CNTN1: variants seen among roughly 807,000 people sequenced by gnomAD.
The protein encoded by CNTN1 is contactin 1.
In CNTN1, 38 loss-of-function variants were observed where a neutral mutation model predicts 126.4. The ratio of observed to expected loss-of-function variants is 0.30; its 90% CI spans 0.23 to 0.39. CNTN1 has a LOEUF of 0.39. Among genes scored for constraint, CNTN1 ranks in the 10% least tolerant of loss-of-function variants. CNTN1 has a pLI of 1.00. For missense variants in CNTN1, 1,009 were observed against 1,248.4 expected, an observed-to-expected ratio of 0.81 and a Z score of 2.89; for synonymous variants, 413 against 422.6, an observed-to-expected ratio of 0.98 and a Z score of 0.28.
At chr12:40,764,526 T>A in intron 1 of CNTN1, among the ~76,000 whole-genome samples, 1 of 152,228 alleles carries the variant, frequency 6.6e-6, no homozygotes, top group East Asian at 1.9e-4. Flanking sequence ...TCTTTTTTGA[T>A]GACTACATTT....
At chr12:40,760,367 T>C (rs1358053211) in intron 1 of CNTN1, among the ~76,000 whole-genome samples, 2 of 152,162 alleles carry the variant, frequency 1.3e-5, no homozygotes, top group East Asian at 3.8e-4. Context: ...CACAAATTTA[T>C]ATCACAAAAT....
chr12:40,775,480 T>TA (rs1460881788), intron 1 of CNTN1, among the ~76,000 whole-genome samples: 1 of 151,536 alleles, frequency 6.6e-6, no homozygotes, highest in African/African-American at 2.4e-5. Context: ...AAATGTCTCT[T>TA]TGATTACAGA....
At chr12:40,817,475 C>CTTTTTTTTT (rs758574869) in intron 1 of CNTN1, among the ~76,000 whole-genome samples, 2 of 40,714 alleles carry the variant, frequency 4.9e-5, no homozygotes, top group East Asian at 7.3e-4. Context: ...GCAACCCCTG[C>CTTTTTTTTT]TTTTTTTTTT....
In CNTN1 at chr12:40,879,665, G is replaced by A. The variant is rs182702127; in HGVS notation, c.-76-28692G>A. Among the ~76,000 whole-genome samples, 4 of 152,150 alleles carry A rather than the reference G, an allele frequency of 2.6e-5. No individual in the cohort carries two copies. The East Asian group carries it at 5.8e-4, about 22-fold the overall frequency. Reference sequence around the variant, plus strand: ...AGGGAGATTACAGAAACTAACTGAAGGCTGAAATAAAAATATGCATAGATT... The same window carrying A: ...AGGGAGATTACAGAAACTAACTGAAAGCTGAAATAAAAATATGCATAGATT... On this transcript the variant is annotated intron_variant, in intron 1 of 23. Coordinates refer to ENST00000551295, the MANE Select transcript of CNTN1 (RefSeq NM_001843.4).
At chr12:40,734,432 G>T (rs1942570281) in intron 1 of CNTN1, among the ~76,000 whole-genome samples, 1 of 152,066 alleles carries the variant, frequency 6.6e-6, no homozygotes, top group African/African-American at 2.4e-5. Context: ...AAAAGTTACT[G>T]AGCAAGACCC....
chr12:40,734,337 T>C (rs1188352211), intron 1 of CNTN1, among the ~76,000 whole-genome samples: 3 of 152,126 alleles, frequency 2.0e-5, no homozygotes, highest in Admixed American at 6.6e-5. Flanking sequence ...TATAATTATA[T>C]GAAAACAGCC....
chr12:41,044,869 A>G (rs1299593058), intron 23 of CNTN1, among the ~76,000 whole-genome samples: 1 of 152,110 alleles, frequency 6.6e-6, no homozygotes, highest in Non-Finnish European at 1.5e-5. Context: ...CAAAATTTTA[A>G]TTTTACTAAA....
intron 1 of CNTN1, among the ~76,000 whole-genome samples, chr12:40,887,247 G>C (rs1179479929): frequency 1.3e-5 from 2 of 151,944 alleles, no homozygotes; most frequent in Non-Finnish European, 2.9e-5. Flanking sequence ...ATTTCATTGA[G>C]CAGTGGTTTG....
intron 15 of CNTN1, among the ~76,000 whole-genome samples, chr12:40,977,539 C>G (rs926639937): frequency 5.9e-5 from 9 of 151,702 alleles, no homozygotes; most frequent in African/African-American, 2.2e-4. Flanking sequence ...TCCCTGCTTT[C>G]TTTTAAGTAA....
chr12:41,015,406 G>C lies in CNTN1; in HGVS notation c.2184+1108G>C, dbSNP rs1056390804. On this transcript the variant is annotated intron_variant, in intron 18 of 23. Coordinates refer to ENST00000551295, the MANE Select transcript of CNTN1 (RefSeq NM_001843.4). The stretch of plus-strand genomic sequence containing the variant: ...TTCTCCTCCAAAGATTCAAATTCAG[G>C]TTTCTGGAGATAGAGCCCGAGAGTT... Among the ~76,000 whole-genome samples, 7 of 152,028 alleles carry C rather than the reference G, an allele frequency of 4.6e-5. No homozygotes were observed. In the South Asian group the frequency reaches 1.4e-3, roughly 31 times the overall value.
intron 1 of CNTN1, among the ~76,000 whole-genome samples, chr12:40,756,521 G>A (rs1305803190): frequency 6.6e-6 from 1 of 152,082 alleles, no homozygotes; most frequent in Non-Finnish European, 1.5e-5. Context: ...GTGACAGTGG[G>A]CAAAGATGTC....
At chr12:40,805,158 T>C (rs915060428) in intron 1 of CNTN1, among the ~76,000 whole-genome samples, 19 of 152,100 alleles carry the variant, frequency 1.2e-4, no homozygotes, top group Non-Finnish European at 1.5e-4. Context: ...GTATTTATAA[T>C]ATTTGAGGTT....
chr12:41,031,251 G>A (rs1949140442), intron 23 of CNTN1, among the ~76,000 whole-genome samples: 1 of 152,150 alleles, frequency 6.6e-6, no homozygotes, highest in African/African-American at 2.4e-5. Context: ...TGTTTATAAT[G>A]TTTGCCTGTT....
intron 1 of CNTN1, among the ~76,000 whole-genome samples, chr12:40,745,877 A>G (rs1170725853): frequency 6.6e-6 from 1 of 152,166 alleles, no homozygotes; most frequent in Non-Finnish European, 1.5e-5. Context: ...ATAGGGTTAA[A>G]TAAAACCCCT....
At chr12:40,822,146 A>ATATTTTTTTTTTTTTTTTTT (rs1315956279) in intron 1 of CNTN1, among the ~76,000 whole-genome samples, 1 of 81,916 alleles carries the variant, frequency 1.2e-5, no homozygotes, top group Non-Finnish European at 2.6e-5. Flanking sequence ...CAAAATATAA[A>ATATTTTTTTTTTTTTTTTTT]TCTTTTTTTT....
intron 14 of CNTN1, among the ~76,000 whole-genome samples, chr12:40,955,481 G>A (rs1946841307): frequency 1.3e-5 from 2 of 151,892 alleles, no homozygotes; most frequent in African/African-American, 4.8e-5. Flanking sequence ...TTATCTCATA[G>A]ATATGGATAG....
At chr12:40,798,811 A>T (rs1450380490) in intron 1 of CNTN1, among the ~76,000 whole-genome samples, 1 of 151,970 alleles carries the variant, frequency 6.6e-6, no homozygotes, top group Non-Finnish European at 1.5e-5. Context: ...TACCTGGGTG[A>T]TGAGGAAATA....
intron 23 of CNTN1, among the ~76,000 whole-genome samples, chr12:41,056,444 C>A (rs977464273): frequency 6.6e-6 from 1 of 152,054 alleles, no homozygotes; most frequent in African/African-American, 2.4e-5. Context: ...TTCCATATGG[C>A]AATTTTTAGC....
chr12:41,054,911 T>A (rs1949768209), intron 23 of CNTN1, among the ~76,000 whole-genome samples: 1 of 152,178 alleles, frequency 6.6e-6, no homozygotes, highest in Non-Finnish European at 1.5e-5. Flanking sequence ...CATTTGTGGT[T>A]TATCGTCAGC....
Sources: gnomAD v4.1 joint callset for allele counts (sites outside exome capture counted in the v4.1 genomes callset) on GRCh38, gnomAD v4.1.1 for gene constraint, MANE v1.5 for transcripts, NCBI Gene and HGNC (gene_info 2026-07-23, HGNC 2026-07-21) for gene names.